Variants in ABCF2 observed in about 807,000 individuals in gnomAD.
ABCF2 encodes ATP binding cassette subfamily F member 2, also known as ATP-binding cassette sub-family F member 2.
Under a neutral mutation model 76.9 loss-of-function variants are expected in ABCF2, and 37 were observed. The ratio of observed to expected loss-of-function variants is 0.48; its 90% confidence interval spans 0.37 to 0.63. The LOEUF (loss-of-function observed/expected upper bound fraction) is 0.63, where lower values mean the gene tolerates loss of function less well. Among genes scored for constraint, ABCF2 ranks in the 30% least tolerant of loss-of-function variants. The pLI, the probability that ABCF2 is intolerant of heterozygous loss-of-function variation, is 0.00. For missense variants in ABCF2, 524 were observed against 782.1 expected (o/e 0.67, Z 3.94); for synonymous variants, 299 against 283.7 (o/e 1.05, Z -0.54).
chr7:151,212,494 C>T lies in ABCF2; in HGVS notation c.*1560G>A. The T allele has an allele frequency of 1.0e-6, 1 of 985,404 alleles. No homozygotes were observed. Among genetic ancestry groups the T allele is most frequent in the South Asian group, 4.7e-5 (1 of 21,284 alleles). The allele number at this position is 985,404 out of a possible 1,614,324, so 61.0% of individuals were successfully genotyped here. On this transcript the variant is annotated 3_prime_UTR_variant, in exon 15 of 15. Transcript: ENST00000287844. ...ATTAATCAATAGGTCTGATGCTCAG[C>T]AATCTGAATTTTTTTATTTTTTTGA...
chr7:151,218,982 A>G, intron 8 of ABCF2, 82 bp downstream of exon 8: 1 of 1,610,450 alleles, frequency 6.2e-7, no homozygotes, highest in Non-Finnish European at 8.5e-7. Flanking sequence ...CTCCATCACT[A>G]CCGCTTCTCG....
Position 151,218,995 on chromosome 7 carries a change from A to G in ABCF2, c.1017+69T>C. The G allele has an allele frequency of 2.5e-6, 4 of 1,609,072 alleles. No individual in the cohort carries two copies. In the South Asian group the frequency reaches 4.4e-5, roughly 18 times the overall value. ...TCCTCCATCACTACCGCTTCTCGAA[A>G]TGCCCTCATCCGAGCCCCCTGCTTC... On this transcript the variant is annotated intron_variant, in intron 8 of 14. Transcript: ENST00000287844.
Position 151,218,188 on chromosome 7 carries a change from A to G in ABCF2, c.1231T>C (p.Cys411Arg), listed in dbSNP as rs1802190315. The change falls in exon 11 of 15, where the codon TGC becomes CGC. Residue 411 changes from cysteine (C) to arginine (R), a missense_variant. Transcript: ENST00000287844. ...VSFKYTKDGP[C>R]IYNNLEFGID... ...CCAAATTCTAGATTATTGTAGATGC[A>G]AGGCTGAGGTGGGGATGAGAGAGAT... 1.2e-6 allele frequency: 2 copies of G among 1,608,200 alleles called. No homozygotes were observed. The highest frequency in any genetic ancestry group is 1.7e-6 in the Non-Finnish European group (2 of 1,174,656).
Position 151,223,979 on chromosome 7 carries a change from T to G in ABCF2, c.503A>C (p.Glu168Ala). The G allele has an allele frequency of 1.2e-6, 2 of 1,614,132 alleles. No individual in the cohort carries two copies. Among genetic ancestry groups the G allele is most frequent in the Non-Finnish European group, 1.7e-6 (2 of 1,179,998 alleles). The change falls in exon 4 of 15, where the codon GAG (glutamate) becomes GCG (alanine). Residue 168 changes from glutamate to alanine, a missense_variant. Physicochemically the swap from Glu to Ala is moderately radical, Grantham distance 107. Around this residue, in one of 2 missense-constraint regions of ABCF2, gnomAD observed 330 missense variants for 433.6 expected, o/e 0.76. Coordinates refer to ENST00000287844, the MANE Select transcript of ABCF2 (RefSeq NM_007189.3). ...PLHCVMEVDT[E>A]RAMLEKEAER... ...TGCCTCTTTCTCCAGCATGGCCCGC[T>G]CTGTGTCGACTTCCATCACACAATG...
Position 151,224,134 on chromosome 7 carries a change from G to T in ABCF2, c.368-20C>A, listed in dbSNP as rs1270804998. On this transcript the variant is annotated intron_variant, in intron 3 of 14. Coordinates refer to ENST00000287844, the MANE Select transcript of ABCF2 (RefSeq NM_007189.3). ...ACTTTCCTGAGAGGGGAGAGCAGCAGACGCTTGGTACAGTGAACTCCCCTA... is the reference window on the plus strand; with the variant it reads ...ACTTTCCTGAGAGGGGAGAGCAGCATACGCTTGGTACAGTGAACTCCCCTA... 1 of 1,613,862 alleles carries T rather than the reference G, an allele frequency of 6.2e-7. No individual in the cohort carries two copies. Among genetic ancestry groups the T allele is most frequent in the South Asian group, 1.1e-5 (1 of 91,048 alleles).
intron 7 of ABCF2, among the ~76,000 whole-genome samples, chr7:151,220,921 G>C (rs1017481325): frequency 2.6e-5 from 4 of 152,268 alleles, no homozygotes; most frequent in African/African-American, 9.6e-5. Context: ...TCAGGAAGTA[G>C]AGGTTGCAGT....
chr7:151,211,498 T>C lies in ABCF2; in HGVS notation c.*2556A>G, dbSNP rs1265761373. The C allele has an allele frequency of 2.0e-6, 2 of 978,980 alleles. No homozygotes were observed. Among genetic ancestry groups the C allele is most frequent in the Non-Finnish European group, 2.4e-6 (2 of 824,116 alleles). 60.6% of individuals were successfully genotyped at this position (978,980 alleles called of 1,614,324 possible). ...CAAGGCACTGCTAATTTTAGAAATA[T>C]GTATTTTGTGGACTTTTAAAGCATT... is the stretch of plus-strand genomic sequence containing the variant. On this transcript the variant is annotated 3_prime_UTR_variant, in exon 15 of 15. Transcript: ENST00000287844.
intron 10 of ABCF2, 108 bp from the exon 11 acceptor site, chr7:151,218,299 G>C (rs1225326370): frequency 1.2e-6 from 1 of 830,798 alleles, no homozygotes; most frequent in African/African-American, 1.7e-5. Flanking sequence ...GAGGAAGGGA[G>C]AGTAGCGGGA....
intron 7 of ABCF2, among the ~76,000 whole-genome samples, chr7:151,219,461 C>T (rs1270710900): frequency 3.9e-5 from 6 of 152,224 alleles, no homozygotes; most frequent in Admixed American, 1.3e-4. Context: ...ACGGACGTCA[C>T]GAGGCTCAGA....
Position 151,218,135 on chromosome 7 carries a change from C to G in ABCF2, c.1284G>C (p.Leu428=), listed in dbSNP as rs949799527. The G allele has an allele frequency of 6.2e-7, 1 of 1,614,202 alleles. No homozygotes were observed. ...FGIDLDTRVA[L]VGPNGAGKST... ...ACTTCCCTGCTCCATTGGGCCCTAC[C>G]AGAGCCACTCGTGTGTCAAGGTCAA... The change falls in exon 11 of 15, where the codon CTG becomes CTC. Residue 428 remains leucine (L), a synonymous_variant. Coordinates refer to ENST00000287844, the MANE Select transcript of ABCF2 (RefSeq NM_007189.3).
In ABCF2 at chr7:151,226,542, T is replaced by C. The variant is rs1348761993; in HGVS notation, c.-42-42A>G. 3.5e-6 allele frequency: 5 copies of C among 1,411,792 alleles called. No homozygotes were observed. In the Admixed American group the frequency reaches 9.0e-5, roughly 26 times the overall value. 87.5% of individuals were successfully genotyped at this position (1,411,792 alleles called of 1,614,324 possible). A position where few individuals can be genotyped will look rare whatever the true frequency, so the allele number is the denominator to read the frequency against. Reference sequence around the variant, plus strand: ...AGATACCCCCAAACCCTAAACTTACTAGTAAGAATGCCTGGGCCCTGCTCC... The same window carrying C: ...AGATACCCCCAAACCCTAAACTTACCAGTAAGAATGCCTGGGCCCTGCTCC... On this transcript the variant is annotated intron_variant, in intron 1 of 14. Coordinates refer to ENST00000287844, the MANE Select transcript of ABCF2 (RefSeq NM_007189.3).
Position 151,215,956 on chromosome 7 carries a change from C to T in ABCF2, c.1401+11G>A, listed in dbSNP as rs772129146. 7 of 1,614,004 alleles carry T rather than the reference C, an allele frequency of 4.3e-6. No homozygotes were observed. In the East Asian group the frequency reaches 1.6e-4, roughly 36 times the overall value. ...TGGGCAATTCCCCGGATCCCAACCC[C>T]AGGCCTGTACCTGATGGTAACGCCC... On this transcript the variant is annotated intron_variant, in intron 12 of 14. Transcript: ENST00000287844. The surrounding 1 kb of genome is among the most constrained non-coding windows in gnomAD (Gnocchi z 4.6).
In ABCF2 at chr7:151,223,805, G is replaced by A. The variant is rs41273648; in HGVS notation, c.595C>T (p.Leu199=). 37,987 of 1,613,916 alleles carry A rather than the reference G, an allele frequency of 0.024. 535 individuals carry two copies. The highest frequency in any genetic ancestry group is 0.029 in the Non-Finnish European group (34,066 of 1,179,860). The change falls in exon 5 of 15, where the codon CTG becomes TTG. Residue 199 remains leucine, a synonymous_variant. Coordinates refer to ENST00000287844, the MANE Select transcript of ABCF2 (RefSeq NM_007189.3). ...CTCATCTCTGCCTTGTCGGCATCCA[G>A]CTCCTCCAGGCGCTCGTAGAGCTCC... ...LMELYERLEE[L]DADKAEMRAS...
At position 151,212,039 on chromosome 7, in the gene ABCF2, TA is replaced by T; in HGVS notation, c.*2014del. 1.1e-6 allele frequency: 1 copy of T among 947,362 alleles called. No homozygotes were observed. Among genetic ancestry groups the T allele is most frequent in the Non-Finnish European group, 1.3e-6 (1 of 795,218 alleles). The allele number at this position is 947,362 out of a possible 1,614,324, so 58.7% of individuals were successfully genotyped here. On this transcript the variant is annotated 3_prime_UTR_variant, in exon 15 of 15. Transcript: ENST00000287844. ...TTTTTGAATACTTCTGTCTCCTATC[TA>T]AATCACAATTTAGCATCTAATTTGT...
chr7:151,226,251 G>A, intron 2 of ABCF2, 54 bp downstream of exon 2: 1 of 1,565,250 alleles, frequency 6.4e-7, no homozygotes, highest in Non-Finnish European at 8.7e-7. Context: ...ACTCTGGCTG[G>A]GGCATGCATT....
In ABCF2 at chr7:151,215,978, GC is replaced by G. The variant is rs750371264; in HGVS notation, c.1389del (p.Arg464ValfsTer12). On this transcript the variant is annotated frameshift_variant, in exon 12 of 15. Coordinates refer to ENST00000287844, the MANE Select transcript of ABCF2 (RefSeq NM_007189.3). This position sits in a 1 kb window ranked among gnomAD's most constrained non-coding sequence, Gnocchi z 4.6. ...MIRKHSHVKIGRYHQHLQEQL... is the reference protein window; with the variant it reads ...MIRKHSHVKIXRYHQHLQEQL... ...CCCCAGGCCTGTACCTGATGGTAAC[GC>G]CCTATCTTGACATGAGAGTGTTTTC... The G allele has an allele frequency of 1.2e-6, 2 of 1,614,124 alleles. No homozygotes were observed. The highest frequency in any genetic ancestry group is 1.7e-6 in the Non-Finnish European group (2 of 1,179,980).
At chr7:151,223,105 A>G (rs1290236966) in intron 5 of ABCF2, among the ~76,000 whole-genome samples, 1 of 152,188 alleles carries the variant, frequency 6.6e-6, no homozygotes. Context: ...CCTTGCTAGC[A>G]TGTGGAACCA....
Position 151,215,727 on chromosome 7 carries a change from T to C in ABCF2, c.1407A>G (p.Leu469=). ...AGAGATCTAAGTCCAGCTGCTCTTGTAAATGCTACAGGAAAAATGGAAGCC... is the reference window on the plus strand; with the variant it reads ...AGAGATCTAAGTCCAGCTGCTCTTGCAAATGCTACAGGAAAAATGGAAGCC... ...HVKIGRYHQH[L]QEQLDLDLSP... Residue 469 remains leucine, a synonymous_variant, in exon 13 of 15, where the codon TTA becomes TTG. Coordinates refer to ENST00000287844, the MANE Select transcript of ABCF2 (RefSeq NM_007189.3). The surrounding 1 kb of genome is among the most constrained non-coding windows in gnomAD (Gnocchi z 4.6). 1 of 1,614,234 alleles carries C rather than the reference T, an allele frequency of 6.2e-7. No individual in the cohort carries two copies. The highest frequency in any genetic ancestry group is 8.5e-7 in the Non-Finnish European group (1 of 1,180,044).
chr7:151,223,103 G>T (rs1344919498), intron 5 of ABCF2, among the ~76,000 whole-genome samples: 1 of 152,162 alleles, frequency 6.6e-6, no homozygotes, highest in Admixed American at 6.5e-5. Context: ...ATCCTTGCTA[G>T]CATGTGGAAC....
Sources: allele counts gnomAD v4.1 joint callset (sites outside exome capture counted in the v4.1 genomes callset), GRCh38; gene constraint gnomAD v4.1.1; regional missense constraint gnomAD v4.1.1; non-coding constraint Gnocchi (gnomAD v3.1); transcripts MANE v1.5; gene names NCBI Gene and HGNC (gene_info 2026-07-23, HGNC 2026-07-21).